The following DPP10 variants were observed in gnomAD, a reference collection of about 807,000 sequenced individuals.
The protein encoded by DPP10 is dipeptidyl peptidase like 10.
DPP10 carries 33 observed loss-of-function variants against 120.9 expected under a neutral mutation model. The observed-to-expected ratio is 0.27, with a 90% CI of 0.21 to 0.37. The LOEUF is 0.37. DPP10 is among the 10% of genes least tolerant of loss of function. The pLI is 1.00. For synonymous variants in DPP10, 337 were observed against 326.1 expected, an observed-to-expected ratio of 1.03 and a Z score of -0.36; for missense variants, 816 against 942.8, an observed-to-expected ratio of 0.87 and a Z score of 1.76.
intron 5 of DPP10, among the ~76,000 whole-genome samples, chr2:115,608,309 G>A (rs1419160728): frequency 2.0e-5 from 3 of 152,102 alleles, no homozygotes; most frequent in African/African-American, 7.2e-5. Flanking sequence ...AGAATTGCTT[G>A]TATCTGGGAA....
intron 19 of DPP10, among the ~76,000 whole-genome samples, chr2:115,805,764 G>A (rs938496817): frequency 4.0e-5 from 6 of 151,898 alleles, no homozygotes; most frequent in African/African-American, 1.5e-4. Context: ...TAGTGGAGAT[G>A]GGCTTTTGCC....
intron 21 of DPP10, among the ~76,000 whole-genome samples, chr2:115,819,493 G>C (rs1687593183): frequency 6.6e-6 from 1 of 151,940 alleles, no homozygotes; most frequent in African/African-American, 2.4e-5. Flanking sequence ...TATTGCTCTT[G>C]CTCTCCCTTT....
intron 19 of DPP10, among the ~76,000 whole-genome samples, chr2:115,793,584 A>AT (rs768846295): frequency 5.9e-5 from 9 of 152,004 alleles, no homozygotes; most frequent in Non-Finnish European, 1.3e-4. Flanking sequence ...TTAATGTGTA[A>AT]TTTAATGCCC....
At chr2:115,677,609 G>A (rs1198891303) in intron 5 of DPP10, among the ~76,000 whole-genome samples, 1 of 152,126 alleles carries the variant, frequency 6.6e-6, no homozygotes, top group Non-Finnish European at 1.5e-5. Flanking sequence ...GAAATAAAAA[G>A]TGAGCAGGAA....
intron 19 of DPP10, among the ~76,000 whole-genome samples, chr2:115,808,220 T>C (rs1429965406): frequency 6.6e-6 from 1 of 152,242 alleles, no homozygotes; most frequent in Non-Finnish European, 1.5e-5. Flanking sequence ...AGCGAAGATT[T>C]ATTTATGTGA....
At chr2:114,508,744 G>T (rs1013228026) in intron 1 of DPP10, among the ~76,000 whole-genome samples, 1 of 151,966 alleles carries the variant, frequency 6.6e-6, no homozygotes, top group Non-Finnish European at 1.5e-5. Context: ...TCTCAGAGAG[G>T]CTGCTTTCAC....
At chr2:114,547,932 C>G (rs776532211) in intron 1 of DPP10, among the ~76,000 whole-genome samples, 3 of 152,146 alleles carry the variant, frequency 2.0e-5, no homozygotes, top group Non-Finnish European at 2.9e-5. Flanking sequence ...CGACTTTTCT[C>G]CTCTGATTCT....
At chr2:115,824,558 G>A (rs1187132724) in intron 21 of DPP10, among the ~76,000 whole-genome samples, 2 of 152,100 alleles carry the variant, frequency 1.3e-5, no homozygotes, top group African/African-American at 4.8e-5. Context: ...ACTTATGAGT[G>A]AGAACATGCA....
At chr2:115,538,168 C>T (rs1162075619) in intron 5 of DPP10, among the ~76,000 whole-genome samples, 1 of 151,942 alleles carries the variant, frequency 6.6e-6, no homozygotes, top group Non-Finnish European at 1.5e-5. Context: ...ATGGCTCTCT[C>T]CCTTGACACA....
chr2:115,397,711 C>T (rs924659425), intron 3 of DPP10, among the ~76,000 whole-genome samples: 9 of 152,162 alleles, frequency 5.9e-5, no homozygotes, highest in Admixed American at 2.0e-4. Context: ...ACTAATTCTG[C>T]CCTAGCATTT....
At chr2:114,572,722 G>A (rs1405915805) in intron 1 of DPP10, among the ~76,000 whole-genome samples, 1 of 152,190 alleles carries the variant, frequency 6.6e-6, no homozygotes, top group African/African-American at 2.4e-5. Flanking sequence ...GGCTACATGT[G>A]CCAGCCATCG....
chr2:114,747,263 CTG>C (rs907071008), intron 1 of DPP10, among the ~76,000 whole-genome samples: 1 of 152,184 alleles, frequency 6.6e-6, no homozygotes, highest in African/African-American at 2.4e-5. Context: ...GAATAATAAA[CTG>C]TTGTCCTTCA....
At chr2:115,081,755 G>T (rs1364051065) in intron 1 of DPP10, among the ~76,000 whole-genome samples, 1 of 152,146 alleles carries the variant, frequency 6.6e-6, no homozygotes, top group Non-Finnish European at 1.5e-5. Flanking sequence ...GTTCATTGCT[G>T]CATCAAGTTC....
intron 19 of DPP10, among the ~76,000 whole-genome samples, chr2:115,810,330 T>C (rs2150017791): frequency 6.6e-6 from 1 of 152,324 alleles, no homozygotes; most frequent in South Asian, 2.1e-4. Context: ...GTCTTCTGTA[T>C]ATAAATTCAA....
intron 2 of DPP10, among the ~76,000 whole-genome samples, chr2:115,310,735 G>T (rs1317005775): frequency 6.6e-6 from 1 of 152,152 alleles, no homozygotes; most frequent in Admixed American, 6.5e-5. Context: ...GTTACAGGAA[G>T]ATGAGTTTCA....
intron 1 of DPP10, among the ~76,000 whole-genome samples, chr2:114,945,616 A>T (rs1697289446): frequency 6.6e-6 from 1 of 152,138 alleles, no homozygotes; most frequent in Non-Finnish European, 1.5e-5. Context: ...GGAGTTAGAG[A>T]CCAGCCTGGC....
Position 114,949,205 on chromosome 2 carries a change from G to A in DPP10, c.61-360034G>A, listed in dbSNP as rs940342637. 3.9e-5 allele frequency among the ~76,000 whole-genome samples: 6 copies of A among 152,156 alleles called. No individual in the cohort carries two copies. In the South Asian group the frequency reaches 1.2e-3, roughly 32 times the overall value. On this transcript the variant is annotated intron_variant, in intron 1 of 25. Transcript: ENST00000410059. ...CCCAAAATGCTGGGATTACAGGTGT[G>A]AGCCACCGCGCCTGGCCCAGTAAGA...
intron 1 of DPP10, among the ~76,000 whole-genome samples, chr2:114,819,207 T>A (rs1377745607): frequency 6.6e-6 from 1 of 152,150 alleles, no homozygotes; most frequent in Non-Finnish European, 1.5e-5. Flanking sequence ...CTAAGCTTTT[T>A]TTTTTTTTTA....
rs548015843 is a variant in DPP10 at position 114,682,120 on chromosome 2, C to T, written c.60+239282C>T. Among the ~76,000 whole-genome samples the T allele has an allele frequency of 1.6e-4, 24 of 152,056 alleles. No homozygotes were observed. The South Asian group carries it at 3.9e-3, about 25-fold the overall frequency. The stretch of plus-strand genomic sequence containing the variant: ...TGTACAATTCACAACATTTCCTAGA[C>T]CCGGCAACATGACTCACAGATTGGT... On this transcript the variant is annotated intron_variant, in intron 1 of 25. Transcript: ENST00000410059.
Sources: gnomAD v4.1 joint callset for allele counts (sites outside exome capture counted in the v4.1 genomes callset) on GRCh38, gnomAD v4.1.1 for gene constraint, MANE v1.5 for transcripts, NCBI Gene and HGNC (gene_info 2026-07-23, HGNC 2026-07-21) for gene names.